SHISA9: variants seen among roughly 807,000 people sequenced by gnomAD.
SHISA9 encodes protein shisa-9.
SHISA9 carries 13 observed loss-of-function variants against 38.0 expected under a neutral mutation model. That is an observed-to-expected ratio of 0.34 (90% CI 0.22 to 0.54). SHISA9 has a LOEUF of 0.54. Ranked by LOEUF, SHISA9 falls within the 20% of genes least tolerant of loss-of-function variation. The pLI is 0.91. For synonymous variants in SHISA9, 275 were observed against 242.0 expected, an observed-to-expected ratio of 1.14 and a Z score of -1.27; for missense variants, 538 against 575.8, an observed-to-expected ratio of 0.93 and a Z score of 0.67.
At chr16:12,932,443 G>C (rs1475597794) in intron 2 of SHISA9, among the ~76,000 whole-genome samples, 1 of 152,180 alleles carries the variant, frequency 6.6e-6, no homozygotes, top group Non-Finnish European at 1.5e-5. Flanking sequence ...CCAGGTTCAA[G>C]AGATTCTCCT....
At chr16:13,062,857 C>T (rs1388866666) in intron 2 of SHISA9, among the ~76,000 whole-genome samples, 1 of 152,122 alleles carries the variant, frequency 6.6e-6, no homozygotes, top group Non-Finnish European at 1.5e-5. Flanking sequence ...AAGTTGTGCA[C>T]CCAAGGAAAG....
chr16:13,405,665 A>C, the SHISA9 span, among the ~76,000 whole-genome samples: 148 of 152,274 alleles, frequency 9.7e-4, 1 homozygote, highest in African/African-American at 3.3e-3. Context: ...TGTTGGTGTC[A>C]GCTTTATGTC....
At chr16:13,295,032 A>G in the SHISA9 span, among the ~76,000 whole-genome samples, 2 of 152,176 alleles carry the variant, frequency 1.3e-5, no homozygotes, top group Non-Finnish European at 2.9e-5. Context: ...CAGATTAAAA[A>G]AACTGGGGAA....
intron 2 of SHISA9, among the ~76,000 whole-genome samples, chr16:13,067,113 G>T (rs2073444349): frequency 6.6e-6 from 1 of 152,196 alleles, no homozygotes; most frequent in Non-Finnish European, 1.5e-5. Flanking sequence ...ACTATATGGA[G>T]AATTAAACTT....
the SHISA9 span, among the ~76,000 whole-genome samples, chr16:13,450,160 T>A: frequency 6.6e-6 from 1 of 152,222 alleles, no homozygotes; most frequent in South Asian, 2.1e-4. Flanking sequence ...TTCCTACTTT[T>A]AGTCCATGTT....
At chr16:13,163,181 A>G (rs1462252375) in intron 2 of SHISA9, among the ~76,000 whole-genome samples, 4 of 152,176 alleles carry the variant, frequency 2.6e-5, no homozygotes, top group African/African-American at 7.2e-5. Flanking sequence ...TTAGGTTTAC[A>G]CTAAAAAAGA....
chr16:13,271,776 G>C, the SHISA9 span, among the ~76,000 whole-genome samples: 80 of 152,082 alleles, frequency 5.3e-4, no homozygotes, highest in South Asian at 1.2e-3. Context: ...CTTATGGGGG[G>C]GGTGTGTGTG....
chr16:13,293,418 G>C, the SHISA9 span, among the ~76,000 whole-genome samples: 1 of 152,206 alleles, frequency 6.6e-6, no homozygotes, highest in Non-Finnish European at 1.5e-5. Context: ...GAATCGTGCA[G>C]TGGTTGAGAG....
chr16:13,082,609 A>G (rs1435869216), intron 2 of SHISA9: 1 of 152,140 alleles, frequency 6.6e-6, no homozygotes, highest in East Asian at 1.9e-4. Flanking sequence ...AGGAAGGTCA[A>G]TCCTTAGAAC....
Position 13,239,198 on chromosome 16 carries a change from GGTGTATAT to G in SHISA9, c.*3793_*3800del, listed in dbSNP as rs891146248. ...TTTTTATGGCTGCATAGTATTCCATGGTGTATATGTGCCACATTTTCTTAATCCAGTCT... is the reference window on the plus strand; with the variant it reads ...TTTTTATGGCTGCATAGTATTCCATGGTGCCACATTTTCTTAATCCAGTCT... On this transcript the variant is annotated 3_prime_UTR_variant, in exon 5 of 5. Coordinates refer to ENST00000558583, the MANE Select transcript of SHISA9 (RefSeq NM_001145204.3). 2 of 151,646 alleles carry G rather than the reference GGTGTATAT, an allele frequency of 1.3e-5. No homozygotes were observed. The highest frequency in any genetic ancestry group is 2.9e-5 in the Non-Finnish European group (2 of 67,958). The allele number at this position is 151,646 out of a possible 1,614,324, so 9.4% of individuals were successfully genotyped here.
chr16:13,553,149 C>T, the SHISA9 span, among the ~76,000 whole-genome samples: 16,270 of 152,216 alleles, frequency 0.11, 1,000 homozygotes, highest in Middle Eastern at 0.17. Flanking sequence ...GCTTTCTGAA[C>T]ACCTGCTATG....
chr16:13,114,488 A>AAAAAAG (rs1555462877), intron 2 of SHISA9, among the ~76,000 whole-genome samples: 1 of 149,624 alleles, frequency 6.7e-6, no homozygotes. Flanking sequence ...AAAAAAAAAA[A>AAAAAAG]GACGAAAAAT....
the SHISA9 span, among the ~76,000 whole-genome samples, chr16:13,390,370 CCTGT>C: frequency 6.6e-5 from 10 of 152,090 alleles, no homozygotes; most frequent in Non-Finnish European, 1.5e-4. Context: ...GTTTGTTGGG[CCTGT>C]CTATCTCGGC....
intron 2 of SHISA9, among the ~76,000 whole-genome samples, chr16:13,035,182 A>G (rs1437300481): frequency 6.6e-6 from 1 of 152,200 alleles, no homozygotes; most frequent in Non-Finnish European, 1.5e-5. Context: ...TAATAGCTCT[A>G]TATTTTGAGT....
the SHISA9 span, among the ~76,000 whole-genome samples, chr16:13,548,739 G>T: frequency 2.6e-5 from 4 of 152,086 alleles, no homozygotes; most frequent in Admixed American, 2.0e-4. Context: ...GGAGAAAGGA[G>T]AACACATACC....
chr16:13,538,425 A>G, the SHISA9 span, among the ~76,000 whole-genome samples: 1 of 152,268 alleles, frequency 6.6e-6, no homozygotes, highest in African/African-American at 2.4e-5. Context: ...CAATCTCTTC[A>G]AAGCCATTTC....
At chr16:13,473,552 C>T in the SHISA9 span, among the ~76,000 whole-genome samples, 1 of 151,968 alleles carries the variant, frequency 6.6e-6, no homozygotes, top group Non-Finnish European at 1.5e-5. Context: ...TCTGACCTTT[C>T]CCAGAGTCCC....
At chr16:13,520,396 G>T in the SHISA9 span, among the ~76,000 whole-genome samples, 1 of 151,700 alleles carries the variant, frequency 6.6e-6, no homozygotes, top group Non-Finnish European at 1.5e-5. Context: ...TTGAGAGATC[G>T]AGACCACCCT....
chr16:13,008,660 T>G (rs1596580935), intron 2 of SHISA9, among the ~76,000 whole-genome samples: 1 of 23,156 alleles, frequency 4.3e-5, no homozygotes, highest in Non-Finnish European at 7.7e-5. Context: ...CCTCCCTCCC[T>G]CCCTTCCTCC....
Sources: gnomAD v4.1 joint callset for allele counts (sites outside exome capture counted in the v4.1 genomes callset) on GRCh38, gnomAD v4.1.1 for gene constraint, MANE v1.5 for transcripts, NCBI Gene and HGNC (gene_info 2026-07-23, HGNC 2026-07-21) for gene names.